Variants in MGAT4C observed in about 807,000 individuals in gnomAD.
The protein encoded by MGAT4C is MGAT4 family member C, also known as alpha-1,3-mannosyl-glycoprotein 4-beta-N-acetylglucosaminyltransferase C.
MGAT4C carries 19 observed loss-of-function variants against 40.1 expected under a neutral mutation model. The ratio of observed to expected loss-of-function variants is 0.47; its 90% confidence interval spans 0.33 to 0.70. The LOEUF (loss-of-function observed/expected upper bound fraction) is 0.70. Ranked by LOEUF, MGAT4C falls within the 30% of genes least tolerant of loss-of-function variation. The pLI is 0.02. For synonymous variants in MGAT4C, 181 were observed against 187.1 expected (o/e 0.97, Z 0.27); for missense variants, 491 against 563.2 (o/e 0.87, Z 1.30).
intron 1 of MGAT4C, among the ~76,000 whole-genome samples, chr12:86,099,535 G>A (rs1164750669): frequency 6.6e-6 from 1 of 151,390 alleles, no homozygotes; most frequent in Non-Finnish European, 1.5e-5. Flanking sequence ...ATCAGAAAGT[G>A]AGCAAAGGAT....
intron 1 of MGAT4C, among the ~76,000 whole-genome samples, chr12:86,760,899 T>A (rs1428130373): frequency 1.3e-5 from 2 of 152,138 alleles, no homozygotes; most frequent in African/African-American, 2.4e-5. Context: ...TGCAAACTCA[T>A]TTGTACTGAT....
intron 2 of MGAT4C, among the ~76,000 whole-genome samples, chr12:86,468,079 C>A (rs1275907840): frequency 6.6e-6 from 1 of 152,018 alleles, no homozygotes; most frequent in Non-Finnish European, 1.5e-5. Context: ...ATATCCACAG[C>A]CAAAAATTAT....
intron 2 of MGAT4C, among the ~76,000 whole-genome samples, chr12:85,995,243 C>T (rs1411720770): frequency 2.0e-5 from 3 of 152,010 alleles, no homozygotes; most frequent in African/African-American, 2.4e-5. Flanking sequence ...CCAAACAGAA[C>T]GTAGAGATCT....
chr12:86,499,725 T>C (rs1958303836), intron 2 of MGAT4C, among the ~76,000 whole-genome samples: 1 of 151,970 alleles, frequency 6.6e-6, no homozygotes, highest in Non-Finnish European at 1.5e-5. Flanking sequence ...TTCATTGTCA[T>C]CTGTCAGTCA....
chr12:86,526,070 G>A (rs1958875633), intron 2 of MGAT4C, among the ~76,000 whole-genome samples: 1 of 152,176 alleles, frequency 6.6e-6, no homozygotes, highest in Non-Finnish European at 1.5e-5. Flanking sequence ...GGCAGAGGGA[G>A]GGGAGTTCCT....
intron 1 of MGAT4C, among the ~76,000 whole-genome samples, chr12:86,237,848 C>A (rs1951619375): frequency 6.6e-6 from 1 of 151,884 alleles, no homozygotes; most frequent in African/African-American, 2.4e-5. Flanking sequence ...ATCTTGCGAT[C>A]TTGAAGGAAA....
rs76212264 is a variant in MGAT4C, at chr12:86,058,140, T to G, written c.-56-8417A>C. Among the ~76,000 whole-genome samples, 1,118 of 152,230 alleles carry G rather than the reference T, an allele frequency of 7.3e-3. 9 individuals are homozygous for G. Among genetic ancestry groups the G allele is most frequent in the Non-Finnish European group, 0.011 (758 of 68,000 alleles). On this transcript the variant is annotated intron_variant, in intron 1 of 4. Coordinates refer to ENST00000611864, the MANE Select transcript of MGAT4C (RefSeq NM_001351288.2). ...TACATATTTCAATTGTTAATGGGAT[T>G]TCATGACCTAAATTGGCCAGAAAAC...
chr12:86,628,773 T>A (rs1026331575), intron 2 of MGAT4C, among the ~76,000 whole-genome samples: 3 of 152,114 alleles, frequency 2.0e-5, no homozygotes, highest in African/African-American at 7.2e-5. Flanking sequence ...GAAAAACCAG[T>A]GCAAGCCACT....
chr12:86,577,218 T>C (rs982719719), intron 2 of MGAT4C, among the ~76,000 whole-genome samples: 1 of 151,808 alleles, frequency 6.6e-6, no homozygotes, highest in African/African-American at 2.4e-5. Context: ...TAGTCTTTAG[T>C]TTTTTCCAAA....
rs954717483 is a variant in MGAT4C, at chr12:86,488,151, G to A, written c.-228-52886C>T. On this transcript the variant is annotated intron_variant, in intron 2 of 7. Coordinates refer to the MGAT4C transcript ENST00000548651. ...GTTATCTCAACACCTTTGGGAGGCT[G>A]AAGTGAGAGGATAGTGTGGACCTAC... is the stretch of plus-strand genomic sequence containing the variant. 1.1e-4 allele frequency among the ~76,000 whole-genome samples: 17 copies of A among 151,736 alleles called. 1 individual carries two copies. Among genetic ancestry groups the A allele is most frequent in the African/African-American group, 3.9e-4 (16 of 41,306 alleles).
intron 2 of MGAT4C, among the ~76,000 whole-genome samples, chr12:86,610,092 A>G (rs1167066474): frequency 6.6e-6 from 1 of 152,148 alleles, no homozygotes; most frequent in Admixed American, 6.5e-5. Context: ...GAATTCACTG[A>G]CCATGCATGG....
chr12:86,487,373 G>A (rs777182980), intron 2 of MGAT4C, among the ~76,000 whole-genome samples: 2 of 152,164 alleles, frequency 1.3e-5, no homozygotes, highest in Non-Finnish European at 2.9e-5. Flanking sequence ...GCTCCAAAAG[G>A]TGACTTTGCA....
At chr12:86,621,465 T>G (rs12370290) in intron 2 of MGAT4C, among the ~76,000 whole-genome samples, 5,263 of 152,210 alleles carry the variant, frequency 0.035, 135 homozygotes, top group Non-Finnish European at 0.048. Context: ...GCTTTTTTGT[T>G]TGTTTGATCG....
intron 3 of MGAT4C, among the ~76,000 whole-genome samples, chr12:86,384,721 C>T (rs1378218198): frequency 3.3e-5 from 5 of 152,094 alleles, no homozygotes; most frequent in Admixed American, 3.3e-4. Flanking sequence ...AAGGTGTGAG[C>T]CACATTAACT....
chr12:86,437,592 G>A (rs1251656362), intron 2 of MGAT4C, among the ~76,000 whole-genome samples: 1 of 151,744 alleles, frequency 6.6e-6, no homozygotes, highest in African/African-American at 2.4e-5. Flanking sequence ...TTGCTTTATT[G>A]TACTTTGTAG....
At chr12:86,579,132 C>T (rs574293998) in intron 2 of MGAT4C, among the ~76,000 whole-genome samples, 7 of 151,508 alleles carry the variant, frequency 4.6e-5, no homozygotes, top group Admixed American at 2.6e-4. Context: ...GTTTATTGAT[C>T]GGAGAGTCTA....
intron 1 of MGAT4C, among the ~76,000 whole-genome samples, chr12:86,767,939 C>T (rs1951546447): frequency 6.6e-6 from 1 of 152,170 alleles, no homozygotes; most frequent in South Asian, 2.1e-4. Context: ...TGGAAGCATT[C>T]CCTTTGAAAA....
Position 86,141,622 on chromosome 12 carries a change from C to G in MGAT4C, c.-56-91899G>C, listed in dbSNP as rs539048646. On this transcript the variant is annotated intron_variant, in intron 1 of 4. Coordinates refer to ENST00000611864, the MANE Select transcript of MGAT4C (RefSeq NM_001351288.2). ...AGCTGTACAGAAAGGGTTTTGTAAT[C>G]TTTTCTTGGAATGGCCCCTATTTTT... Among the ~76,000 whole-genome samples the G allele has an allele frequency of 3.3e-5, 5 of 152,160 alleles. No homozygotes were observed. The East Asian group carries it at 5.8e-4, about 18-fold the overall frequency.
intron 2 of MGAT4C, among the ~76,000 whole-genome samples, chr12:86,035,354 G>A (rs1891125930): frequency 6.7e-6 from 1 of 149,990 alleles, no homozygotes; most frequent in Non-Finnish European, 1.5e-5. Flanking sequence ...TTTTTCATGT[G>A]TTTGTTGGCT....
Sources: gnomAD v4.1 joint callset for allele counts (sites outside exome capture counted in the v4.1 genomes callset) on GRCh38, gnomAD v4.1.1 for gene constraint, MANE v1.5 for transcripts, NCBI Gene and HGNC (gene_info 2026-07-23, HGNC 2026-07-21) for gene names.